CDKN2B-AS1: variants seen among roughly 807,000 people sequenced by gnomAD.
CDKN2B-AS1 encodes CDKN2B antisense RNA 1 (non-protein coding).
intron 4 of CDKN2B-AS1, among the ~76,000 whole-genome samples, chr9:22,067,309 T>G (rs1824087982): frequency 6.6e-6 from 1 of 152,192 alleles, no homozygotes; most frequent in African/African-American, 2.4e-5. Context: ...GTTGTATCTT[T>G]TATTCAGAAG....
chr9:22,031,861 TGCTGGTTTTGATGAAGCAG>T (rs1442851321), intron 1 of CDKN2B-AS1, among the ~76,000 whole-genome samples: 4 of 152,186 alleles, frequency 2.6e-5, no homozygotes, highest in African/African-American at 7.2e-5. Context: ...CTTCCTCTCT[TGCTGGTTTTGATGAAGCAG>T]GCTGCCACAG....
chr9:22,094,642 G>T (rs560038901), intron 4 of CDKN2B-AS1, among the ~76,000 whole-genome samples: 1 of 144,306 alleles, frequency 6.9e-6, no homozygotes, highest in Admixed American at 6.7e-5. Context: ...TGTAGTTCTC[G>T]TGCCTTGGTT....
intron 1 of CDKN2B-AS1, among the ~76,000 whole-genome samples, chr9:22,023,603 C>T (rs965812001): frequency 7.9e-5 from 12 of 151,956 alleles, no homozygotes; most frequent in Admixed American, 2.6e-4. Context: ...CATAGCTGGG[C>T]ATGGGGGAAC....
intron 1 of CDKN2B-AS1, among the ~76,000 whole-genome samples, chr9:22,045,056 G>GTA (rs1823051932): frequency 6.6e-6 from 1 of 151,348 alleles, no homozygotes; most frequent in Non-Finnish European, 1.5e-5. Context: ...GTGTGTGTGT[G>GTA]TGTGTGTGTG....
intron 3 of CDKN2B-AS1, among the ~76,000 whole-genome samples, chr9:22,049,727 T>A (rs968957942): frequency 6.6e-6 from 1 of 152,186 alleles, no homozygotes; most frequent in Non-Finnish European, 1.5e-5. Context: ...ATTCCAACAA[T>A]AAATTTGTTT....
At chr9:22,113,734 C>T (rs1165959215) in intron 4 of CDKN2B-AS1, 1 of 152,140 alleles carries the variant, frequency 6.6e-6, no homozygotes, top group African/African-American at 2.4e-5. Flanking sequence ...GTTATACAAA[C>T]ATTACTGTAT....
chr9:22,083,091 G>A (rs1226533178), intron 4 of CDKN2B-AS1, among the ~76,000 whole-genome samples: 1 of 152,178 alleles, frequency 6.6e-6, no homozygotes, highest in African/African-American at 2.4e-5. Context: ...CTAATAGCTT[G>A]TTATATGCCA....
chr9:22,017,127 A>G (rs572924088), intron 1 of CDKN2B-AS1, among the ~76,000 whole-genome samples: 1 of 152,272 alleles, frequency 6.6e-6, no homozygotes, highest in African/African-American at 2.4e-5. Context: ...GGGAAATGGC[A>G]TTTAAAATAA....
At chr9:22,023,523 C>T (rs1333178689) in intron 1 of CDKN2B-AS1, among the ~76,000 whole-genome samples, 3 of 151,716 alleles carry the variant, frequency 2.0e-5, no homozygotes, top group African/African-American at 7.3e-5. Context: ...CATTTGAGGT[C>T]AGGAGTTTGA....
intron 1 of CDKN2B-AS1, among the ~76,000 whole-genome samples, chr9:22,025,046 G>A (rs953565349): frequency 1.3e-5 from 2 of 152,174 alleles, no homozygotes; most frequent in African/African-American, 4.8e-5. Context: ...GAGCCTAGAG[G>A]GATCGCCATC....
At chr9:22,018,482 C>T (rs557680374) in intron 1 of CDKN2B-AS1, among the ~76,000 whole-genome samples, 86 of 151,954 alleles carry the variant, frequency 5.7e-4, no homozygotes, top group Non-Finnish European at 1.0e-3. Flanking sequence ...CATGGCGAAA[C>T]CCCGTCTCTA....
rs1184340342 is a variant in CDKN2B-AS1 at position 22,006,331 on chromosome 9, TA to T, written n.29+11173del. ...CCGGGGCAAGGCAGGTGGAGCCATTTAAAGAAACACCTAATTGCAAAGTTTT... is the reference window on the plus strand; with the variant it reads ...CCGGGGCAAGGCAGGTGGAGCCATTTAAGAAACACCTAATTGCAAAGTTTT... On this transcript the variant is annotated intron_variant and non_coding_transcript_variant, in intron 1 of 4. Coordinates refer to ENST00000650946, the Ensembl canonical transcript of CDKN2B-AS1. The surrounding 1 kb of genome is among the most constrained non-coding windows in gnomAD (Gnocchi z 6.4). 1.9e-6 allele frequency: 3 copies of T among 1,562,612 alleles called. No homozygotes were observed. Among genetic ancestry groups the T allele is most frequent in the Non-Finnish European group, 2.6e-6 (3 of 1,155,302 alleles).
At chr9:22,008,639 C>G in intron 1 of CDKN2B-AS1, 3 of 1,588,994 alleles carry the variant, frequency 1.9e-6, no homozygotes, top group Non-Finnish European at 2.6e-6. Context: ...AGGATTTTTG[C>G]TGGGTAAAAG....
chr9:22,067,537 C>T (rs1390803958), intron 4 of CDKN2B-AS1, among the ~76,000 whole-genome samples: 1 of 151,884 alleles, frequency 6.6e-6, no homozygotes, highest in African/African-American at 2.4e-5. Context: ...CACACACACA[C>T]ACGCACGCAC....
intron 4 of CDKN2B-AS1, among the ~76,000 whole-genome samples, chr9:22,121,745 A>G (rs1280209795): frequency 6.6e-6 from 1 of 152,052 alleles, no homozygotes; most frequent in Non-Finnish European, 1.5e-5. Flanking sequence ...TTTATGGCTT[A>G]ATAGTATTTC....
intron 4 of CDKN2B-AS1, chr9:22,120,952 T>C (rs886093826): frequency 3.3e-5 from 5 of 152,174 alleles, no homozygotes; most frequent in African/African-American, 1.2e-4. Flanking sequence ...ATGTTACATA[T>C]GAAGAGACAG....
At chr9:22,110,446 A>C (rs1825776431) in intron 4 of CDKN2B-AS1, among the ~76,000 whole-genome samples, 1 of 152,226 alleles carries the variant, frequency 6.6e-6, no homozygotes, top group Non-Finnish European at 1.5e-5. Flanking sequence ...CAGTGTACAC[A>C]GATGAAGATA....
At chr9:22,069,178 G>A (rs1170325491) in intron 4 of CDKN2B-AS1, among the ~76,000 whole-genome samples, 2 of 152,076 alleles carry the variant, frequency 1.3e-5, no homozygotes, top group Admixed American at 1.3e-4. Context: ...TCATTCCTGG[G>A]CCCCTGTCTT....
intron 4 of CDKN2B-AS1, among the ~76,000 whole-genome samples, chr9:22,080,325 G>A (rs2131328527): frequency 6.6e-6 from 1 of 152,344 alleles, no homozygotes; most frequent in East Asian, 1.9e-4. Flanking sequence ...CCGACCACTA[G>A]AAGAGAGTAA....
Sources: allele counts gnomAD v4.1 joint callset (sites outside exome capture counted in the v4.1 genomes callset), GRCh38; gene constraint gnomAD v4.1.1; non-coding constraint Gnocchi (gnomAD v3.1); transcripts MANE v1.5; gene names NCBI Gene and HGNC (gene_info 2026-07-23, HGNC 2026-07-21).